GLDC: variants seen among roughly 807,000 people sequenced by gnomAD.
The protein encoded by GLDC is glycine decarboxylase, also known as glycine dehydrogenase (decarboxylating), mitochondrial.
GLDC carries 104 observed loss-of-function variants against 121.3 expected under a neutral mutation model. The observed-to-expected ratio is 0.86, with a 90% confidence interval of 0.73 to 1.01. The LOEUF (loss-of-function observed/expected upper bound fraction) is 1.01. Ranked by LOEUF, GLDC falls within the 50% of genes least tolerant of loss-of-function variation. GLDC has a pLI of 0.00. For synonymous variants in GLDC, 546 were observed against 480.6 expected (o/e 1.14, Z -1.78); for missense variants, 1,429 against 1,306.6 (o/e 1.09, Z -1.44).
At position 6,536,052 on chromosome 9, in the gene GLDC, G is replaced by A. The variant is rs1228878142; in HGVS notation, c.2838+12C>T. 2 of 1,609,232 alleles carry A rather than the reference G, an allele frequency of 1.2e-6. No individual in the cohort carries two copies. Among genetic ancestry groups the A allele is most frequent in the African/African-American group, 2.7e-5 (2 of 74,810 alleles). On this transcript the variant is annotated intron_variant, in intron 23 of 24. Transcript: ENST00000321612. The stretch of plus-strand genomic sequence containing the variant: ...AAGGAACATTTCAAGCAATGTTCCA[G>A]GGCCTACGCACCTTCAGCGGATTGA...
intron 3 of GLDC, among the ~76,000 whole-genome samples, chr9:6,612,196 C>G (rs1818871226): frequency 2.2e-5 from 2 of 90,570 alleles, no homozygotes; most frequent in Admixed American, 1.1e-4. Flanking sequence ...CTCACTCTCT[C>G]ACACACACAC....
At chr9:6,627,092 G>A (rs909894687) in intron 2 of GLDC, among the ~76,000 whole-genome samples, 4 of 151,948 alleles carry the variant, frequency 2.6e-5, no homozygotes, top group African/African-American at 7.3e-5. Flanking sequence ...TCAGGAGATC[G>A]AGACCATCCT....
chr9:6,575,485 T>C (rs35972094), intron 15 of GLDC, among the ~76,000 whole-genome samples: 31,974 of 152,176 alleles, frequency 0.21, 3,804 homozygotes, highest in Admixed American at 0.29. Context: ...AATCAGAAAC[T>C]CTGTAGGGTG....
At chr9:6,555,124 G>A (rs1349959117) in intron 18 of GLDC, among the ~76,000 whole-genome samples, 1 of 152,246 alleles carries the variant, frequency 6.6e-6, no homozygotes, top group Non-Finnish European at 1.5e-5. Flanking sequence ...GAACCTCCAT[G>A]TTGTTGAAAT....
intron 4 of GLDC, among the ~76,000 whole-genome samples, 165 bp from the exon 5 acceptor site, chr9:6,606,834 A>C (rs1449640942): frequency 6.6e-6 from 1 of 152,142 alleles, no homozygotes; most frequent in Non-Finnish European, 1.5e-5. Context: ...GCACTTTGGG[A>C]GGCCGAGGCG....
chr9:6,600,104 T>C lies in GLDC; in HGVS notation c.1155+2005A>G, dbSNP rs141115670. Among the ~76,000 whole-genome samples, 693 of 152,274 alleles carry C rather than the reference T, an allele frequency of 4.6e-3. 9 individuals carry two copies. The highest frequency in any genetic ancestry group is 0.016 in the African/African-American group (669 of 41,552). On this transcript the variant is annotated intron_variant, in intron 8 of 24. Coordinates refer to ENST00000321612, the MANE Select transcript of GLDC (RefSeq NM_000170.3). The stretch of plus-strand genomic sequence containing the variant: ...TACAGTGGCCAGGCACGGTGGCTCA[T>C]GCCTATAATCCTATCACTATGGGAG...
intron 15 of GLDC, chr9:6,567,158 A>C (rs1450196763): frequency 2.0e-5 from 3 of 149,122 alleles, no homozygotes; most frequent in African/African-American, 7.3e-5. Context: ...AAAGAAAAGA[A>C]GAAAGAAAGC....
chr9:6,629,388 T>A (rs1047930055), intron 2 of GLDC, among the ~76,000 whole-genome samples: 1 of 152,006 alleles, frequency 6.6e-6, no homozygotes, highest in South Asian at 2.1e-4. Flanking sequence ...CTAATTTTTG[T>A]ATTTTTGGTG....
chr9:6,538,311 T>G (rs1029375626), intron 22 of GLDC, among the ~76,000 whole-genome samples: 1 of 152,202 alleles, frequency 6.6e-6, no homozygotes, highest in African/African-American at 2.4e-5. Context: ...CTATGAGTCA[T>G]AAAACATGCC....
chr9:6,540,866 G>C (rs865947087), intron 21 of GLDC: 7 of 152,292 alleles, frequency 4.6e-5, no homozygotes, highest in Non-Finnish European at 1.0e-4. Flanking sequence ...CAAAAGTTTT[G>C]GATTTTCAGG....
At chr9:6,583,187 C>G (rs1405021904) in intron 15 of GLDC, among the ~76,000 whole-genome samples, 1 of 151,970 alleles carries the variant, frequency 6.6e-6, no homozygotes, top group Non-Finnish European at 1.5e-5. Context: ...ATAAAATTAC[C>G]CTATATCCAA....
chr9:6,633,441 A>G (rs963310386), intron 2 of GLDC, among the ~76,000 whole-genome samples: 1 of 152,114 alleles, frequency 6.6e-6, no homozygotes, highest in Non-Finnish European at 1.5e-5. Context: ...TTTTGCTTCA[A>G]CTTTTCCAAA....
At chr9:6,611,482 C>G (rs530850997) in intron 3 of GLDC, among the ~76,000 whole-genome samples, 5 of 150,908 alleles carry the variant, frequency 3.3e-5, no homozygotes, top group Non-Finnish European at 7.4e-5. Context: ...CTTGAACCCG[C>G]GGGGCGGAGG....
At chr9:6,603,300 T>C (rs775621145) in intron 7 of GLDC, among the ~76,000 whole-genome samples, 2 of 150,710 alleles carry the variant, frequency 1.3e-5, no homozygotes, top group Admixed American at 1.3e-4. Context: ...TTGCATAACA[T>C]TAGGTGTTAA....
At chr9:6,588,269 G>A in intron 14 of GLDC, 132 bp downstream of exon 14, 1 of 779,860 alleles carries the variant, frequency 1.3e-6, no homozygotes. Context: ...TGAATAGCAA[G>A]GTAAAGAATT....
intron 11 of GLDC, 60 bp from the exon 12 acceptor site, chr9:6,589,352 T>A: frequency 1.0e-6 from 1 of 1,003,900 alleles, no homozygotes; most frequent in South Asian, 1.3e-5. Flanking sequence ...CATGTGGACA[T>A]CCAGGCTTCT....
intron 17 of GLDC, among the ~76,000 whole-genome samples, chr9:6,557,396 C>T (rs2129730597): frequency 6.6e-6 from 1 of 152,252 alleles, no homozygotes; most frequent in African/African-American, 2.4e-5. Context: ...GAGATCGAGA[C>T]TATCCTGGCC....
rs1817027534 is a variant in GLDC at position 6,532,796 on chromosome 9, G to A, written c.*221C>T. Reference sequence around the variant, plus strand: ...AAATGGCTCCCAATCCAGGCAACTGGCACATGTGGAAGCAGAATACCAAAG... The same window carrying A: ...AAATGGCTCCCAATCCAGGCAACTGACACATGTGGAAGCAGAATACCAAAG... On this transcript the variant is annotated 3_prime_UTR_variant, in exon 25 of 25. Coordinates refer to ENST00000321612, the MANE Select transcript of GLDC (RefSeq NM_000170.3). 3 of 549,300 alleles carry A rather than the reference G, an allele frequency of 5.5e-6. No homozygotes were observed. Among genetic ancestry groups the A allele is most frequent in the African/African-American group, 1.9e-5 (1 of 52,874 alleles). 34.0% of individuals were successfully genotyped at this position (549,300 alleles called of 1,614,324 possible).
chr9:6,639,668 A>AAT, intron 2 of GLDC: 2 of 248,644 alleles, frequency 8.0e-6, no homozygotes, highest in Non-Finnish European at 1.3e-5. Flanking sequence ...ATAAAAAAAA[A>AAT]GTATATATAT....
Sources: allele counts gnomAD v4.1 joint callset (sites outside exome capture counted in the v4.1 genomes callset), GRCh38; gene constraint gnomAD v4.1.1; transcripts MANE v1.5; gene names NCBI Gene and HGNC (gene_info 2026-07-23, HGNC 2026-07-21).